GSE1: variants seen among roughly 807,000 people sequenced by gnomAD.
GSE1 encodes the protein Gse1 coiled-coil protein.
GSE1 carries 32 observed loss-of-function variants against 112.6 expected under a neutral mutation model. The observed-to-expected ratio is 0.28, with a 90% CI of 0.21 to 0.38. GSE1 has a LOEUF of 0.38. Ranked by LOEUF, GSE1 falls within the 10% of genes least tolerant of loss-of-function variation. The probability of loss-of-function intolerance (pLI) is 1.00; values close to 1 mark genes in which losing one functional copy is unlikely to be tolerated. For missense variants in GSE1, 2,348 were observed against 1,699.2 expected, an observed-to-expected ratio of 1.38 and a Z score of -6.71; for synonymous variants, 1,115 against 735.6, an observed-to-expected ratio of 1.52 and a Z score of -8.35.
chr16:85,655,237 C>T (rs557416399), intron 5 of GSE1, among the ~76,000 whole-genome samples: 6 of 152,294 alleles, frequency 3.9e-5, no homozygotes, highest in East Asian at 1.9e-4. Flanking sequence ...CCCTTCTCAC[C>T]GGGGGGTCCA....
rs553618446 is a variant in GSE1 at position 85,333,513 on chromosome 16, C to A, written c.2284-23950C>A. Among the ~76,000 whole-genome samples the A allele has an allele frequency of 3.9e-5, 6 of 152,364 alleles. No homozygotes were observed. In the South Asian group the frequency reaches 1.2e-3, roughly 32 times the overall value. On this transcript the variant is annotated intron_variant, in intron 1 of 2. Coordinates refer to the GSE1 transcript ENST00000637419. ...CTTTGCCCACCTCACCCCCTTAGGG[C>A]TTGGGGGGCCTGGGTCAGGTGCCTG...
rs756143665 is a variant in GSE1, at chr16:85,661,611, C to T, written c.2106C>T (p.Leu702=). 1 of 1,610,820 alleles carries T rather than the reference C, an allele frequency of 6.2e-7. No individual in the cohort carries two copies. Among genetic ancestry groups the T allele is most frequent in the East Asian group, 2.2e-5 (1 of 44,804 alleles). ...SLPQAATFGE[L]SGPLKPGSPY... is the part of the protein sequence containing the mutation. ...CACAGGCGGCCACCTTCGGGGAGCT[C>T]AGCGGACCCCTGAAGCCTGGCTCGC... Residue 702 remains leucine, a synonymous_variant, in exon 9 of 16, where the codon CTC becomes CTT. Coordinates refer to ENST00000253458, the MANE Select transcript of GSE1 (RefSeq NM_014615.5).
chr16:85,460,073 C>T lies in GSE1; in HGVS notation c.2464+102430C>T, dbSNP rs575130344. On this transcript the variant is annotated intron_variant, in intron 2 of 2. Transcript: ENST00000637419. Reference sequence around the variant, plus strand: ...GCACATACCTTCACCCAGCGCCTGGCCTCCGATGAGCAAGGACACGATGTC... The same window carrying T: ...GCACATACCTTCACCCAGCGCCTGGTCTCCGATGAGCAAGGACACGATGTC... Among the ~76,000 whole-genome samples, 11 of 152,356 alleles carry T rather than the reference C, an allele frequency of 7.2e-5. No individual in the cohort carries two copies. The South Asian group carries it at 1.0e-3, about 14-fold the overall frequency.
At chr16:85,514,373 C>A (rs28588756) in intron 2 of GSE1, among the ~76,000 whole-genome samples, 45,555 of 146,394 alleles carry the variant, frequency 0.31, 7,658 homozygotes, top group East Asian at 0.52. Flanking sequence ...CACCACCCCC[C>A]CATCCTTTGC....
intron 8 of GSE1, among the ~76,000 whole-genome samples, chr16:85,660,160 T>C (rs1598649730): frequency 6.6e-6 from 1 of 152,198 alleles, no homozygotes; most frequent in African/African-American, 2.4e-5. Context: ...CAGCCCAGTA[T>C]ATAGAGTGGG....
chr16:85,265,321 G>A (rs911370499), intron 1 of GSE1, among the ~76,000 whole-genome samples: 1 of 152,170 alleles, frequency 6.6e-6, no homozygotes, highest in Non-Finnish European at 1.5e-5. Flanking sequence ...ACAGAAAGGA[G>A]TTGGCGGCCA....
chr16:85,383,235 C>A (rs1047015141), intron 2 of GSE1, among the ~76,000 whole-genome samples: 2 of 152,102 alleles, frequency 1.3e-5, no homozygotes, highest in African/African-American at 4.8e-5. Context: ...CACACATTCA[C>A]ATGCACACAC....
chr16:85,656,653 C>T lies in GSE1; in HGVS notation c.1300C>T (p.Pro434Ser). 1 of 1,519,846 alleles carries T rather than the reference C, an allele frequency of 6.6e-7. No individual in the cohort carries two copies. The highest frequency in any genetic ancestry group is 8.8e-7 in the Non-Finnish European group (1 of 1,132,134). The allele number at this position is 1,519,846 out of a possible 1,614,324, so 94.1% of individuals were successfully genotyped here. A position where few individuals can be genotyped will look rare whatever the true frequency, so the allele number is the denominator to read the frequency against. ...GGGCAAGCCCTCGGAGCAGCTGACC[C>T]CAACCCGAGCAGGTACCTGGGCGTG... ...ERGKPSEQLTPTRAEKLKDAG... is the reference protein window; with the variant it reads ...ERGKPSEQLTSTRAEKLKDAG... The change falls in exon 7 of 16, where the codon CCA (proline) becomes TCA (serine). Residue 434 changes from proline (P) to serine (S), a missense_variant. Transcript: ENST00000253458.
chr16:85,485,518 C>T (rs574750437), intron 2 of GSE1, among the ~76,000 whole-genome samples: 66 of 152,360 alleles, frequency 4.3e-4, no homozygotes, highest in African/African-American at 1.6e-3. Flanking sequence ...TGCCGCCTGC[C>T]GTTCTGGGAG....
At position 85,294,614 on chromosome 16, in the gene GSE1, TCA is replaced by T. The variant is rs1425750584; in HGVS notation, c.2284-62847_2284-62846del. Among the ~76,000 whole-genome samples, 560 of 88,790 alleles carry T rather than the reference TCA, an allele frequency of 6.3e-3. 2 individuals are homozygous for T. The highest frequency in any genetic ancestry group is 0.01 in the Non-Finnish European group (424 of 41,898). The allele number at this position is 88,790 out of a possible 152,430, so 58.2% of individuals were successfully genotyped here. On this transcript the variant is annotated intron_variant, in intron 1 of 2. Coordinates refer to the GSE1 transcript ENST00000637419. Reference sequence around the variant, plus strand: ...TTCCTGGATCTTGCCAGCACGCCTCTCACTCTCTCTCTCTCTCTCTCTCTCTC... The same window carrying T: ...TTCCTGGATCTTGCCAGCACGCCTCTCTCTCTCTCTCTCTCTCTCTCTCTC...
intron 2 of GSE1, among the ~76,000 whole-genome samples, chr16:85,413,168 G>A (rs1444390700): frequency 2.0e-5 from 3 of 152,220 alleles, no homozygotes; most frequent in Non-Finnish European, 2.9e-5. Context: ...CAACAAGCAC[G>A]TGGAAGTGCC....
chr16:85,429,449 A>G (rs7197136), intron 2 of GSE1, among the ~76,000 whole-genome samples: 108,426 of 152,170 alleles, frequency 0.71, 41,102 homozygotes, highest in Non-Finnish European at 0.84. Context: ...CTCTGGTGGC[A>G]GAGGCAGGCA....
intron 1 of GSE1, among the ~76,000 whole-genome samples, chr16:85,624,758 C>T (rs1237992635): frequency 6.6e-6 from 1 of 152,212 alleles, no homozygotes; most frequent in Non-Finnish European, 1.5e-5. Flanking sequence ...GGCGCCTGGG[C>T]ACCGCCAGGA....
At chr16:85,226,043 G>T (rs573624946) in intron 1 of GSE1, among the ~76,000 whole-genome samples, 1 of 152,274 alleles carries the variant, frequency 6.6e-6, no homozygotes, top group Non-Finnish European at 1.5e-5. Context: ...ACATTAGGGC[G>T]CTGGTTTCCC....
At chr16:85,290,812 T>C (rs2045187757) in intron 1 of GSE1, among the ~76,000 whole-genome samples, 1 of 152,100 alleles carries the variant, frequency 6.6e-6, no homozygotes. Context: ...TGCCATGTCC[T>C]GCATTCTCTC....
At chr16:85,581,820 C>G (rs1434683779) in intron 1 of GSE1, among the ~76,000 whole-genome samples, 1 of 152,168 alleles carries the variant, frequency 6.6e-6, no homozygotes, top group Non-Finnish European at 1.5e-5. Context: ...TGCGGCTTCC[C>G]CTGCTGAAGT....
chr16:85,365,712 G>A (rs929978816), intron 2 of GSE1, among the ~76,000 whole-genome samples: 2 of 152,176 alleles, frequency 1.3e-5, no homozygotes, highest in African/African-American at 4.8e-5. Flanking sequence ...AGAAGGTGAA[G>A]GTTTATAGTA....
chr16:85,630,571 C>T (rs979087828), intron 1 of GSE1, among the ~76,000 whole-genome samples: 5 of 152,212 alleles, frequency 3.3e-5, no homozygotes, highest in African/African-American at 1.2e-4. Flanking sequence ...CCCACCTCAC[C>T]CTCCTACTTA....
At chr16:85,213,676 C>T (rs992602848) in intron 1 of GSE1, among the ~76,000 whole-genome samples, 4 of 152,266 alleles carry the variant, frequency 2.6e-5, no homozygotes, top group Non-Finnish European at 5.9e-5. Flanking sequence ...AAGACACCCC[C>T]AGCCCAGAGT....
Sources: gnomAD v4.1 joint callset for allele counts (sites outside exome capture counted in the v4.1 genomes callset) on GRCh38, gnomAD v4.1.1 for gene constraint, MANE v1.5 for transcripts, NCBI Gene and HGNC (gene_info 2026-07-23, HGNC 2026-07-21) for gene names.